Variants in ZBTB47 observed in about 807,000 individuals in gnomAD.
ZBTB47 encodes the protein zinc finger and BTB domain-containing protein 47.
In ZBTB47, 24 loss-of-function variants were observed where a neutral mutation model predicts 56.6. The observed-to-expected ratio is 0.42, with a 90% CI of 0.31 to 0.60. ZBTB47 has a LOEUF of 0.60. Ranked by LOEUF, ZBTB47 falls within the 20% of genes least tolerant of loss-of-function variation. ZBTB47 has a pLI of 0.14. For missense variants in ZBTB47, 829 were observed against 1,032.6 expected (o/e 0.80, Z 2.70); for synonymous variants, 414 against 418.9 (o/e 0.99, Z 0.14).
Position 42,659,521 on chromosome 3 carries a change from G to T in ZBTB47, c.1166G>T (p.Gly389Val), listed in dbSNP as rs1336000586. ...TCCCGGGAGAACGCCCGGCGCCGGG[G>T]TACCCCTGAACCTGAAGAAGCTGGG... ...TRSRENARRR[G>V]TPEPEEAGRR... The change falls in exon 2 of 6, where the codon GGT (glycine) becomes GTT (valine). Residue 389 changes from glycine (G) to valine (V), a missense_variant. This residue lies in a region of ZBTB47 where 359 missense variants were observed against 359.8 expected (regional missense o/e 1.00). Coordinates refer to ENST00000232974, the MANE Select transcript of ZBTB47 (RefSeq NM_145166.4). 1 of 1,551,130 alleles carries T rather than the reference G, an allele frequency of 6.4e-7. No individual in the cohort carries two copies. The highest frequency in any genetic ancestry group is 8.7e-7 in the Non-Finnish European group (1 of 1,151,068).
chr3:42,655,626 G>T (rs990452443), intron 1 of ZBTB47, among the ~76,000 whole-genome samples: 14 of 152,232 alleles, frequency 9.2e-5, no homozygotes, highest in Non-Finnish European at 1.9e-4. Context: ...ATGGGGAGGG[G>T]CACGCATTGC....
In ZBTB47 at chr3:42,666,675, C is replaced by G. The variant is rs3733061; in HGVS notation, c.*2077C>G. The stretch of plus-strand genomic sequence containing the variant: ...TGGCCCCACTACAGCCTGAGTAGGC[C>G]TGAGTGGCCGTGGCCAGGCTGAGAC... On this transcript the variant is annotated 3_prime_UTR_variant, in exon 6 of 6. Transcript: ENST00000232974. Among the ~76,000 whole-genome samples the G allele has an allele frequency of 0.11, 17,285 of 152,244 alleles. 1,131 individuals are homozygous for G. The highest frequency in any genetic ancestry group is 0.16 in the African/African-American group (6,460 of 41,528).
At chr3:42,660,446 T>C (rs1334984720) in intron 2 of ZBTB47, among the ~76,000 whole-genome samples, 1 of 151,950 alleles carries the variant, frequency 6.6e-6, no homozygotes, top group Admixed American at 6.6e-5. Context: ...GGGTGAGAAA[T>C]TTGGGAAGAG....
At chr3:42,657,538 G>A (rs1441103742) in intron 1 of ZBTB47, among the ~76,000 whole-genome samples, 1 of 152,240 alleles carries the variant, frequency 6.6e-6, no homozygotes, top group African/African-American at 2.4e-5. Flanking sequence ...AGCCCTGGCT[G>A]TGATGAGGAG....
rs144323491 is a variant in ZBTB47, at chr3:42,659,345, G to A, written c.990G>A (p.Glu330=). 6.4e-3 allele frequency: 9,230 copies of A among 1,448,762 alleles called. 56 individuals are homozygous for A. Among genetic ancestry groups the A allele is most frequent in the Middle Eastern group, 0.011 (49 of 4,468 alleles). 89.7% of individuals were successfully genotyped at this position (1,448,762 alleles called of 1,614,324 possible). The change falls in exon 2 of 6, where the codon GAG becomes GAA. Residue 330 remains glutamate (E), a synonymous_variant. Transcript: ENST00000232974. ...DGHSEQEEEE[E]EEEEEGPSEQ... is the part of the protein sequence containing the mutation. ...ACAGTGAGCAGGAAGAGGAAGAGGA[G>A]GAGGAAGAGGAGGAAGGGCCTAGTG...
chr3:42,654,041 G>C lies in ZBTB47; in HGVS notation c.-82+158G>C, dbSNP rs1168107777. The C allele has an allele frequency of 6.6e-6, 1 of 152,538 alleles. No homozygotes were observed. Among genetic ancestry groups the C allele is most frequent in the Non-Finnish European group, 1.5e-5 (1 of 68,406 alleles). The allele number at this position is 152,538 out of a possible 1,614,324, so 9.4% of individuals were successfully genotyped here. On this transcript the variant is annotated intron_variant, in intron 1 of 5. Transcript: ENST00000232974. This position sits in a 1 kb window ranked among gnomAD's most constrained non-coding sequence, Gnocchi z 5.0. ...CGAGAGGGTGGGGGTGGTGAGCGCG[G>C]CTGGGGTGCGGGGTTCAGTCCCTCA... is the stretch of plus-strand genomic sequence containing the variant.
At position 42,664,669 on chromosome 3, in the gene ZBTB47, T is replaced by G; in HGVS notation, c.*71T>G. Reference sequence around the variant, plus strand: ...CCACTCCAGGAGGGACCCACTGCCTTCCCGGGGAGCACAGTAGTGCGGGCC... The same window carrying G: ...CCACTCCAGGAGGGACCCACTGCCTGCCCGGGGAGCACAGTAGTGCGGGCC... On this transcript the variant is annotated 3_prime_UTR_variant, in exon 6 of 6. Transcript: ENST00000232974. 1 of 1,354,484 alleles carries G rather than the reference T, an allele frequency of 7.4e-7. No individual in the cohort carries two copies. Among genetic ancestry groups the G allele is most frequent in the Non-Finnish European group, 9.4e-7 (1 of 1,059,340 alleles). 83.9% of individuals were successfully genotyped at this position (1,354,484 alleles called of 1,614,324 possible). A position where few individuals can be genotyped will look rare whatever the true frequency, so the allele number is the denominator to read the frequency against.
intron 1 of ZBTB47, among the ~76,000 whole-genome samples, chr3:42,657,076 C>T (rs1381959079): frequency 1.3e-5 from 2 of 152,230 alleles, no homozygotes; most frequent in Non-Finnish European, 2.9e-5. Context: ...TTAACAACAT[C>T]TGCACATCAC....
rs1710721038 is a variant in ZBTB47, at chr3:42,661,529, T to C, written c.1518T>C (p.His506=). 10 of 1,614,036 alleles carry C rather than the reference T, an allele frequency of 6.2e-6. No individual in the cohort carries two copies. Among genetic ancestry groups the C allele is most frequent in the Non-Finnish European group, 6.8e-6 (8 of 1,179,874 alleles). The change falls in exon 3 of 6, where the codon CAT becomes CAC. Residue 506 remains histidine, a synonymous_variant. Coordinates refer to ENST00000232974, the MANE Select transcript of ZBTB47 (RefSeq NM_145166.4). ...CTTTCAAGAAGCTTTGGTCCCTCCATGAGCATAACAAGATTGTGCACGGCT... is the reference window on the plus strand; with the variant it reads ...CTTTCAAGAAGCTTTGGTCCCTCCACGAGCATAACAAGATTGTGCACGGCT... ...GKAFKKLWSL[H]EHNKIVHGYA... is the part of the protein sequence containing the mutation.
At chr3:42,660,725 A>C (rs1710705275) in intron 2 of ZBTB47, among the ~76,000 whole-genome samples, 1 of 152,144 alleles carries the variant, frequency 6.6e-6, no homozygotes, top group Non-Finnish European at 1.5e-5. Context: ...ACCCTTGTGT[A>C]CCTGTGCCCA....
intron 2 of ZBTB47, among the ~76,000 whole-genome samples, chr3:42,660,578 G>A (rs1042491538): frequency 1.3e-5 from 2 of 152,176 alleles, no homozygotes; most frequent in South Asian, 2.1e-4. Flanking sequence ...AGGCTCCCAC[G>A]GGTGGTTTTC....
intron 3 of ZBTB47, among the ~76,000 whole-genome samples, chr3:42,662,761 C>A (rs1049642159): frequency 1.3e-5 from 2 of 152,230 alleles, no homozygotes; most frequent in African/African-American, 4.8e-5. Context: ...TTGGCCACTT[C>A]CCTTGACCAG....
rs184233362 is a variant in ZBTB47, at chr3:42,661,551, G to A, written c.1540G>A (p.Gly514Ser). The A allele has an allele frequency of 5.1e-5, 83 of 1,614,040 alleles. No homozygotes were observed. Among genetic ancestry groups the A allele is most frequent in the Non-Finnish European group, 6.9e-5 (81 of 1,179,896 alleles). ...CCATGAGCATAACAAGATTGTGCAC[G>A]GCTACGCAGAGAAGAAGTTCTCATG... ...SLHEHNKIVH[G>S]YAEKKFSCEI... Residue 514 changes from glycine (G) to serine (S), a missense_variant, in exon 3 of 6, where the codon GGC becomes AGC. This residue lies in a region of ZBTB47 where 187 missense variants were observed against 253.1 expected (regional missense o/e 0.74). Transcript: ENST00000232974.
At chr3:42,660,215 C>T (rs377021215) in intron 2 of ZBTB47, among the ~76,000 whole-genome samples, 3 of 152,158 alleles carry the variant, frequency 2.0e-5, no homozygotes, top group Non-Finnish European at 2.9e-5. Context: ...TTAACAAACA[C>T]GGGGGCTGTA....
chr3:42,664,463 C>A lies in ZBTB47; in HGVS notation c.2109C>A (p.Thr703=). Residue 703 remains threonine, a synonymous_variant, in exon 6 of 6, where the codon ACC becomes ACA. Transcript: ENST00000232974. ...CCGCTGCCCCAGGCCTGCCCCCAAC[C>A]CAGCCCCAGGCGCACGCACTGCCCC... ...GVPAAPGLPP[T]QPQAHALPLL... is the part of the protein sequence containing the mutation. 2 of 1,519,280 alleles carry A rather than the reference C, an allele frequency of 1.3e-6. No homozygotes were observed. Among genetic ancestry groups the A allele is most frequent in the Non-Finnish European group, 1.8e-6 (2 of 1,136,906 alleles). The allele number at this position is 1,519,280 out of a possible 1,614,324, so 94.1% of individuals were successfully genotyped here. A position where few individuals can be genotyped will look rare whatever the true frequency, so the allele number is the denominator to read the frequency against.
rs1350166136 is a variant in ZBTB47, at chr3:42,658,485, T to A, written c.130T>A (p.Ser44Thr). 6.5e-6 allele frequency: 10 copies of A among 1,537,020 alleles called. No individual in the cohort carries two copies. The East Asian group carries it at 2.2e-4, about 34-fold the overall frequency. The part of the protein sequence containing the change: ...VLAAYSQFFH[S>T]LFTQNKQLQR... ...AGCCGCCTACAGCCAGTTCTTCCAC[T>A]CACTCTTCACCCAGAACAAGCAGCT... The change falls in exon 2 of 6, where the codon TCA becomes ACA. Residue 44 changes from serine (S) to threonine (T), a missense_variant. Physicochemically the swap from Ser to Thr is moderately conservative, Grantham distance 58 (BLOSUM62 1). Transcript: ENST00000232974.
chr3:42,656,355 G>T lies in ZBTB47; in HGVS notation c.-81-1920G>T, dbSNP rs544796160. The stretch of plus-strand genomic sequence containing the variant: ...GGAAGGGGTGGTCTTAGCGGAGCTG[G>T]GAGTCCAGGGGCTCTGGACTGTGGA... On this transcript the variant is annotated intron_variant, in intron 1 of 5. Coordinates refer to ENST00000232974, the MANE Select transcript of ZBTB47 (RefSeq NM_145166.4). The surrounding 1 kb of genome is among the most constrained non-coding windows in gnomAD (Gnocchi z 5.8). Among the ~76,000 whole-genome samples the T allele has an allele frequency of 6.6e-6, 1 of 152,318 alleles. No homozygotes were observed. The highest frequency in any genetic ancestry group is 6.5e-5 in the Admixed American group (1 of 15,306).
At chr3:42,655,266 C>A (rs1036255984) in intron 1 of ZBTB47, among the ~76,000 whole-genome samples, 4 of 152,146 alleles carry the variant, frequency 2.6e-5, no homozygotes, top group African/African-American at 9.7e-5. Context: ...GCCTGTGCCC[C>A]CTTGCTCAGT....
intron 1 of ZBTB47, among the ~76,000 whole-genome samples, chr3:42,655,197 G>A (rs1710626281): frequency 6.6e-6 from 1 of 152,196 alleles, no homozygotes; most frequent in African/African-American, 2.4e-5. Flanking sequence ...GGAGGTAAGT[G>A]CACAGAGGAG....
Sources: gnomAD v4.1 joint callset for allele counts (sites outside exome capture counted in the v4.1 genomes callset) on GRCh38, gnomAD v4.1.1 for gene constraint, gnomAD v4.1.1 regional missense constraint, Gnocchi (gnomAD v3.1) non-coding constraint, MANE v1.5 for transcripts, NCBI Gene and HGNC (gene_info 2026-07-23, HGNC 2026-07-21) for gene names.